The following RIMBP2 variants were observed in gnomAD, a reference collection of about 807,000 sequenced individuals.
The protein encoded by RIMBP2 is RIMS-binding protein 2.
A neutral mutation model predicts 118.6 loss-of-function variants in RIMBP2; 48 were observed. The observed-to-expected ratio is 0.40, with a 90% CI of 0.32 to 0.51. The LOEUF is 0.51. Ranked by LOEUF, RIMBP2 falls within the 20% of genes least tolerant of loss-of-function variation. The probability of loss-of-function intolerance (pLI) is 0.41; values close to 1 mark genes in which losing one functional copy is unlikely to be tolerated. For synonymous variants in RIMBP2, 762 were observed against 742.9 expected, an observed-to-expected ratio of 1.03 and a Z score of -0.42; for missense variants, 1,551 against 1,768.3, an observed-to-expected ratio of 0.88 and a Z score of 2.20.
chr12:130,498,633 C>CAA (rs35549770), intron 4 of RIMBP2, among the ~76,000 whole-genome samples: 22,412 of 115,336 alleles, frequency 0.19, 2,654 homozygotes, highest in Non-Finnish European at 0.23. Context: ...AAACAGCATT[C>CAA]AAAAAAAAAA....
chr12:130,481,790 C>T (rs2082030122), intron 4 of RIMBP2, among the ~76,000 whole-genome samples: 1 of 152,192 alleles, frequency 6.6e-6, no homozygotes, highest in Non-Finnish European at 1.5e-5. Flanking sequence ...GGGAAGAAGC[C>T]CTGGGTATTT....
chr12:130,615,276 C>CATATATATATATATAT (rs202186208), intron 2 of RIMBP2, among the ~76,000 whole-genome samples: 4,959 of 99,484 alleles, frequency 0.05, 335 homozygotes, highest in East Asian at 0.13. Context: ...AATACACATA[C>CATATATATATATATAT]ATATATATAT....
At chr12:130,618,024 T>TTTACCAAAAAGAA (rs71088771) in intron 2 of RIMBP2, among the ~76,000 whole-genome samples, 2 of 65,826 alleles carry the variant, frequency 3.0e-5, no homozygotes, top group East Asian at 8.2e-4. Flanking sequence ...AGACCTCTTC[T>TTTACCAAAAAGAA]AAAAAAAAAA....
intron 14 of RIMBP2, 141 bp from the exon 15 acceptor site, chr12:130,428,478 A>T: frequency 2.5e-6 from 2 of 787,976 alleles, no homozygotes; most frequent in South Asian, 4.1e-5. Context: ...GGTGTGTGTT[A>T]CTCGTTCTGG....
At chr12:130,638,745 G>A (rs140301173) in intron 1 of RIMBP2, among the ~76,000 whole-genome samples, 1 of 151,960 alleles carries the variant, frequency 6.6e-6, no homozygotes, top group East Asian at 1.9e-4. Context: ...TGCGGAAAAG[G>A]CAAAACTATG....
intron 2 of RIMBP2, among the ~76,000 whole-genome samples, chr12:130,597,657 A>C (rs1418508533): frequency 6.6e-6 from 1 of 152,226 alleles, no homozygotes; most frequent in Non-Finnish European, 1.5e-5. Flanking sequence ...ATCTAACTAG[A>C]CGTGCACACG....
rs2058082603 is a variant in RIMBP2 at position 130,576,313 on chromosome 12, C to T, written c.-217+52009G>A. ...AGAGTTTCATGACCATAGACATGGGCATTTGCTTCCAAGAGCAATGGCCCT... is the reference window on the plus strand; with the variant it reads ...AGAGTTTCATGACCATAGACATGGGTATTTGCTTCCAAGAGCAATGGCCCT... On this transcript the variant is annotated intron_variant, in intron 2 of 22. Coordinates refer to ENST00000690449, the MANE Select transcript of RIMBP2 (RefSeq NM_001393629.1). This position sits in a 1 kb window ranked among gnomAD's most constrained non-coding sequence, Gnocchi z 4.2. 6.6e-6 allele frequency among the ~76,000 whole-genome samples: 1 copy of T among 152,150 alleles called. No homozygotes were observed. The highest frequency in any genetic ancestry group is 2.1e-4 in the South Asian group (1 of 4,828).
Position 130,507,354 on chromosome 12 carries a change from C to CT in RIMBP2, c.-126-585dup, listed in dbSNP as rs2050467201. ...TGAGCCTGAAGCTAATTGTCTTTTC[C>CT]TTTTCAGTCACTTGGACCAATAGAT... is the stretch of plus-strand genomic sequence containing the variant. On this transcript the variant is annotated intron_variant, in intron 3 of 22. Transcript: ENST00000690449. 1.3e-5 allele frequency among the ~76,000 whole-genome samples: 2 copies of CT among 152,204 alleles called. 1 individual carries two copies. The highest frequency in any genetic ancestry group is 4.1e-4 in the South Asian group (2 of 4,826).
At chr12:130,582,330 A>C (rs1263888640) in intron 2 of RIMBP2, among the ~76,000 whole-genome samples, 1 of 152,118 alleles carries the variant, frequency 6.6e-6, no homozygotes, top group African/African-American at 2.4e-5. Context: ...TGAATGAATG[A>C]ATCTTGTTTC....
chr12:130,616,619 T>C (rs368274172), intron 2 of RIMBP2, among the ~76,000 whole-genome samples: 6 of 152,282 alleles, frequency 3.9e-5, no homozygotes, highest in African/African-American at 1.4e-4. Flanking sequence ...GACACCATCC[T>C]AGGAGACAAT....
intron 5 of RIMBP2, among the ~76,000 whole-genome samples, chr12:130,473,657 T>C (rs929875956): frequency 9.2e-5 from 14 of 152,202 alleles, no homozygotes; most frequent in African/African-American, 3.4e-4. Context: ...CAAGGAACTA[T>C]GCCGAGGGCT....
intron 1 of RIMBP2, among the ~76,000 whole-genome samples, chr12:130,640,270 C>A (rs2062559117): frequency 6.6e-6 from 1 of 152,208 alleles, no homozygotes; most frequent in African/African-American, 2.4e-5. Context: ...TAATTAAACA[C>A]ACTTACCGCT....
intron 2 of RIMBP2, among the ~76,000 whole-genome samples, chr12:130,600,548 A>G (rs7953047): frequency 0.84 from 127,469 of 151,436 alleles, 53,664 homozygotes; most frequent in South Asian, 0.87. Flanking sequence ...TACTCTGGCC[A>G]GAAGGATGTC....
intron 6 of RIMBP2, among the ~76,000 whole-genome samples, chr12:130,457,492 C>T (rs1221350237): frequency 6.6e-6 from 1 of 152,252 alleles, no homozygotes; most frequent in Non-Finnish European, 1.5e-5. Context: ...CAAAGCCCCG[C>T]TCCCTGCTCC....
chr12:130,709,596 G>A (rs1245807125), intron 1 of RIMBP2, among the ~76,000 whole-genome samples: 9 of 152,180 alleles, frequency 5.9e-5, no homozygotes, highest in South Asian at 2.1e-4. Flanking sequence ...AGGAAGAGTC[G>A]GAAACAAAGC....
Position 130,451,329 on chromosome 12 carries a change from C to A in RIMBP2, c.370G>T (p.Ala124Ser). ...CCGATCGCAGAGCTGCCTCCAATAG[C>A]GCTCTCCTGACCTGGCCACGAACAT... ...ATSLGKGQESAIGGSSAIGEY... is the reference protein window; with the variant it reads ...ATSLGKGQESSIGGSSAIGEY... The change falls in exon 8 of 23, where the codon GCT (alanine) becomes TCT (serine). Residue 124 changes from alanine (A) to serine (S), a missense_variant. By Grantham distance (99) the Ala-to-Ser change is moderately conservative. Around this residue, in one of 5 missense-constraint regions of RIMBP2, gnomAD observed 239 missense variants for 256.8 expected, o/e 0.93. Transcript: ENST00000690449. The A allele has an allele frequency of 6.2e-7, 1 of 1,612,268 alleles. No homozygotes were observed. Among genetic ancestry groups the A allele is most frequent in the East Asian group, 2.2e-5 (1 of 44,834 alleles).
In RIMBP2 at chr12:130,422,977, C is replaced by T. The variant is rs1410804715; in HGVS notation, c.3130-416G>A. On this transcript the variant is annotated intron_variant, in intron 16 of 22. Coordinates refer to ENST00000690449, the MANE Select transcript of RIMBP2 (RefSeq NM_001393629.1). This position sits in a 1 kb window ranked among gnomAD's most constrained non-coding sequence, Gnocchi z 5.2. Reference sequence around the variant, plus strand: ...AAGTGGGGAAGATGTTGCAGTTCCTCCTGTCCTGCTTGGATAAAAGTCGTA... The same window carrying T: ...AAGTGGGGAAGATGTTGCAGTTCCTTCTGTCCTGCTTGGATAAAAGTCGTA... Among the ~76,000 whole-genome samples the T allele has an allele frequency of 2.6e-5, 4 of 152,182 alleles. No homozygotes were observed. Among genetic ancestry groups the T allele is most frequent in the Non-Finnish European group, 4.4e-5 (3 of 68,026 alleles).
intron 2 of RIMBP2, among the ~76,000 whole-genome samples, chr12:130,522,547 C>G (rs1375114154): frequency 6.6e-6 from 1 of 152,236 alleles, no homozygotes; most frequent in Non-Finnish European, 1.5e-5. Context: ...TCAAAACACA[C>G]ATACCATGGG....
At position 130,399,810 on chromosome 12, in the gene RIMBP2, C is replaced by T. The variant is rs748646449; in HGVS notation, c.3769G>A (p.Glu1257Lys). ...EIDEDGFYYG[E>K]LNGQKGLVPS... ...ACAAGGCCTTTCTGCCCATTCAGCT[C>T]CCCCTAAAACACCAGGGGTGAGGCA... The change falls in exon 22 of 23, where the codon GAG (glutamate) becomes AAG (lysine). Residue 1257 changes from glutamate (E) to lysine (K), a missense_variant. Transcript: ENST00000690449. 1.1e-5 allele frequency: 17 copies of T among 1,614,034 alleles called. No individual in the cohort carries two copies. The highest frequency in any genetic ancestry group is 1.4e-5 in the Non-Finnish European group (17 of 1,179,942).
Sources: allele counts gnomAD v4.1 joint callset (sites outside exome capture counted in the v4.1 genomes callset), GRCh38; gene constraint gnomAD v4.1.1; regional missense constraint gnomAD v4.1.1; non-coding constraint Gnocchi (gnomAD v3.1); transcripts MANE v1.5; gene names NCBI Gene and HGNC (gene_info 2026-07-23, HGNC 2026-07-21).